The following IQGAP3 variants were observed in gnomAD, a reference collection of about 807,000 sequenced individuals.
IQGAP3 encodes ras GTPase-activating-like protein IQGAP3.
A neutral mutation model predicts 208.2 loss-of-function variants in IQGAP3; 165 were observed. The observed-to-expected ratio is 0.79, with a 90% CI of 0.70 to 0.90. IQGAP3 has a LOEUF of 0.90. Ranked by LOEUF, IQGAP3 falls within the 40% of genes least tolerant of loss-of-function variation. The probability of loss-of-function intolerance (pLI) is 0.00; values close to 1 mark genes in which losing one functional copy is unlikely to be tolerated. For missense variants in IQGAP3, 1,811 were observed against 2,043.1 expected (o/e 0.89, Z 2.19); for synonymous variants, 703 against 803.6 (o/e 0.87, Z 2.12).
chr1:156,566,363 G>A (rs1557947333), intron 3 of IQGAP3, 27 bp downstream of exon 3: 2 of 1,610,708 alleles, frequency 1.2e-6, no homozygotes, highest in Non-Finnish European at 8.5e-7. Flanking sequence ...GGGGACGAAG[G>A]TAGAAGGTGG....
intron 2 of IQGAP3, among the ~76,000 whole-genome samples, chr1:156,566,892 G>A (rs996610075): frequency 2.0e-4 from 29 of 146,090 alleles, no homozygotes; most frequent in Admixed American, 6.8e-5. Context: ...TTGAAATGGC[G>A]TCTCGCTCTT....
chr1:156,561,172 C>T (rs977633221), intron 10 of IQGAP3, 151 bp from the exon 11 acceptor site: 4 of 554,510 alleles, frequency 7.2e-6, no homozygotes, highest in African/African-American at 5.7e-5. Context: ...CCCTATTAAC[C>T]GTTTTTTTTT....
At chr1:156,528,682 C>T in intron 35 of IQGAP3, 72 bp from the exon 36 acceptor site, 1 of 1,334,790 alleles carries the variant, frequency 7.5e-7, no homozygotes, top group Non-Finnish European at 1.1e-6. Context: ...TTTTCTGTGG[C>T]TGGAAAGGAA....
chr1:156,528,923 C>T lies in IQGAP3; in HGVS notation c.4564G>A (p.Asp1522Asn), dbSNP rs182191022. The T allele has an allele frequency of 3.3e-5, 54 of 1,614,162 alleles. No homozygotes were observed. Among genetic ancestry groups the T allele is most frequent in the Non-Finnish European group, 3.7e-5 (44 of 1,180,030 alleles). Residue 1522 changes from aspartate (D) to asparagine (N), a missense_variant, in exon 35 of 38, where the codon GAC becomes AAC. Physicochemically the swap from Asp to Asn is conservative, Grantham distance 23 (BLOSUM62 1). Transcript: ENST00000361170. ...CGGGAAAGCAGCACCTACTTGGAGTCGGGGGCCAGGTGGTCCAGGCAGGCC... is the reference window on the plus strand; with the variant it reads ...CGGGAAAGCAGCACCTACTTGGAGTTGGGGGCCAGGTGGTCCAGGCAGGCC... ...IRACLDHLAP[D>N]SKSSGKGKKQ... is the part of the protein sequence containing the mutation.
In IQGAP3 at chr1:156,537,163, TG is replaced by T; in HGVS notation, c.3422+17del. The stretch of plus-strand genomic sequence containing the variant: ...TTGAAATCCCATGCGTAGGCTGGGG[TG>T]GGGCTGTTGCACATACGGAATTTGG... On this transcript the variant is annotated intron_variant, in intron 27 of 37. Transcript: ENST00000361170. 1 of 1,608,458 alleles carries T rather than the reference TG, an allele frequency of 6.2e-7. No individual in the cohort carries two copies. The highest frequency in any genetic ancestry group is 8.5e-7 in the Non-Finnish European group (1 of 1,176,936).
At chr1:156,531,998 T>A (rs148976071) in intron 32 of IQGAP3, among the ~76,000 whole-genome samples, 1 of 152,318 alleles carries the variant, frequency 6.6e-6, no homozygotes, top group African/African-American at 2.4e-5. Flanking sequence ...TCTGCCCAGA[T>A]GACCAGCTCA....
At chr1:156,571,490 T>TTTG (rs1553229877) in intron 1 of IQGAP3, among the ~76,000 whole-genome samples, 2 of 152,114 alleles carry the variant, frequency 1.3e-5, no homozygotes, top group Non-Finnish European at 2.9e-5. Context: ...CCCCTCCAAA[T>TTTG]ACAGATTTGA....
chr1:156,563,419 G>A, intron 7 of IQGAP3, 107 bp from the exon 8 acceptor site: 1 of 1,375,394 alleles, frequency 7.3e-7, no homozygotes, highest in Non-Finnish European at 9.9e-7. Flanking sequence ...ACCCTCAAGG[G>A]CCAGACAAAC....
At chr1:156,544,541 A>G in intron 19 of IQGAP3, 69 bp from the exon 20 acceptor site, 1 of 1,353,672 alleles carries the variant, frequency 7.4e-7, no homozygotes, top group African/African-American at 1.4e-5. Flanking sequence ...TTTTAAGAAA[A>G]TCTTTGTCCT....
At chr1:156,527,666 G>A (rs1008182743) in intron 37 of IQGAP3, among the ~76,000 whole-genome samples, 3 of 152,128 alleles carry the variant, frequency 2.0e-5, no homozygotes, top group Non-Finnish European at 4.4e-5. Context: ...AACATGTAAA[G>A]TCCCTGACAT....
chr1:156,559,436 C>T (rs1676046828), intron 11 of IQGAP3, among the ~76,000 whole-genome samples: 1 of 152,200 alleles, frequency 6.6e-6, no homozygotes, highest in Non-Finnish European at 1.5e-5. Flanking sequence ...GATACGGGCA[C>T]TGACATCAAG....
In IQGAP3 at chr1:156,528,045, GA is replaced by G; in HGVS notation, c.4688del (p.Ile1563ThrfsTer15). ...CCTCATCTCCCGGCGTGATGTCAAA[GA>G]TGACGTTTCTGAAGCTGTCAGGAAC... ...DLPASHFRNV[I>X]FDITPGDEAG... On this transcript the variant is annotated frameshift_variant, in exon 37 of 38. Coordinates refer to ENST00000361170, the MANE Select transcript of IQGAP3 (RefSeq NM_178229.5). LOFTEE classifies it high-confidence loss of function. 1 of 1,614,046 alleles carries G rather than the reference GA, an allele frequency of 6.2e-7. No homozygotes were observed. Among genetic ancestry groups the G allele is most frequent in the South Asian group, 1.1e-5 (1 of 91,082 alleles).
chr1:156,528,386 T>G, intron 36 of IQGAP3, 123 bp downstream of exon 36: 1 of 704,596 alleles, frequency 1.4e-6, no homozygotes, highest in Non-Finnish European at 2.4e-6. Context: ...CCACCATCAT[T>G]CTAGCAGCTC....
chr1:156,550,302 C>G lies in IQGAP3; in HGVS notation c.1784G>C (p.Gly595Ala), dbSNP rs972615940. 6.2e-7 allele frequency: 1 copy of G among 1,613,908 alleles called. No homozygotes were observed. The highest frequency in any genetic ancestry group is 8.5e-7 in the Non-Finnish European group (1 of 1,179,926). Residue 595 changes from glycine (G) to alanine (A), a missense_variant, in exon 16 of 38, where the codon GGA (glycine) becomes GCA (alanine). By Grantham distance (60) the Gly-to-Ala change is moderately conservative (BLOSUM62 0). Transcript: ENST00000361170. ...AVLWLEEIRQGVVRANQDTNT... is the reference protein window; with the variant it reads ...AVLWLEEIRQAVVRANQDTNT... The stretch of plus-strand genomic sequence containing the variant: ...AGTGTCCTGGTTGGCTCTGACCACT[C>G]CCTGGCGGATCTCCTCAAGCCACAG...
intron 34 of IQGAP3, 23 bp downstream of exon 34, chr1:156,530,082 G>A (rs766756159): frequency 1.7e-5 from 27 of 1,560,942 alleles, no homozygotes; most frequent in Middle Eastern, 3.3e-4. Flanking sequence ...ACAGGCACAC[G>A]GAGCCCAGGC....
At chr1:156,566,278 C>G in intron 3 of IQGAP3, 112 bp downstream of exon 3, 1 of 1,277,410 alleles carries the variant, frequency 7.8e-7, no homozygotes, top group Non-Finnish European at 1.1e-6. Context: ...AATAACACTC[C>G]CTTTTATCCA....
intron 19 of IQGAP3, among the ~76,000 whole-genome samples, chr1:156,545,969 C>T (rs768375557): frequency 3.9e-5 from 6 of 152,154 alleles, no homozygotes; most frequent in South Asian, 2.1e-4. Context: ...AAGGCTTACA[C>T]GGCCCCTCTG....
intron 6 of IQGAP3, 37 bp from the exon 7 acceptor site, chr1:156,563,703 G>A: frequency 6.2e-7 from 1 of 1,608,900 alleles, no homozygotes. Context: ...ATCAGGCCCA[G>A]AACCCCCAAG....
chr1:156,530,096 G>T lies in IQGAP3; in HGVS notation c.4404+9C>A. The T allele has an allele frequency of 6.3e-7, 1 of 1,586,358 alleles. No homozygotes were observed. The highest frequency in any genetic ancestry group is 8.6e-7 in the Non-Finnish European group (1 of 1,165,240). On this transcript the variant is annotated intron_variant, in intron 34 of 37. Coordinates refer to ENST00000361170, the MANE Select transcript of IQGAP3 (RefSeq NM_178229.5). ...CACAGGCACACGGAGCCCAGGCCCA[G>T]GTTGTTACCTTGGCCAGCTCGTCCA...
Sources: allele counts gnomAD v4.1 joint callset (sites outside exome capture counted in the v4.1 genomes callset), GRCh38; gene constraint gnomAD v4.1.1; transcripts MANE v1.5; gene names NCBI Gene and HGNC (gene_info 2026-07-23, HGNC 2026-07-21).